PCDH15: variants seen among roughly 807,000 people sequenced by gnomAD.
PCDH15 encodes protocadherin-15.
Under a neutral mutation model 178.5 loss-of-function variants are expected in PCDH15, and 129 were observed. The observed-to-expected ratio is 0.72, with a 90% CI of 0.63 to 0.84. The LOEUF (loss-of-function observed/expected upper bound fraction) is 0.84, where lower values mean the gene tolerates loss of function less well. Among genes scored for constraint, PCDH15 ranks in the 40% least tolerant of loss-of-function variants. PCDH15 has a pLI of 0.00. For synonymous variants in PCDH15, 800 were observed against 732.0 expected, an observed-to-expected ratio of 1.09 and a Z score of -1.50; for missense variants, 2,230 against 2,099.9, an observed-to-expected ratio of 1.06 and a Z score of -1.21.
At chr10:55,175,759 A>G (rs1452389012) in intron 1 of PCDH15, among the ~76,000 whole-genome samples, 3 of 152,052 alleles carry the variant, frequency 2.0e-5, no homozygotes, top group African/African-American at 7.2e-5. Context: ...AGTCTTTTAT[A>G]ATAGGGCTCA....
rs938028197 is a variant in PCDH15 at position 54,807,844 on chromosome 10, G to A, written c.-29+89606C>T. Among the ~76,000 whole-genome samples, 9 of 151,094 alleles carry A rather than the reference G, an allele frequency of 6.0e-5. No homozygotes were observed. The South Asian group carries it at 1.3e-3, about 21-fold the overall frequency. Reference sequence around the variant, plus strand: ...GATCACATAAAGCTTTTATTTTTAGGCTGTAAATTATAGAATGAGTATAGA... The same window carrying A: ...GATCACATAAAGCTTTTATTTTTAGACTGTAAATTATAGAATGAGTATAGA... On this transcript the variant is annotated intron_variant, in intron 3 of 5. Transcript: ENST00000458638.
chr10:55,463,955 AAG>A lies in PCDH15; in HGVS notation c.-156+163668_-156+163669del, dbSNP rs1221046160. On this transcript the variant is annotated intron_variant, in intron 2 of 5. Coordinates refer to the PCDH15 transcript ENST00000613346. ...AAAGAAAGAAAGAAAGAAAGAAAGAAAGAAAGAAAGAAAGAAAGAGAAAGAAA... is the reference window on the plus strand; with the variant it reads ...AAAGAAAGAAAGAAAGAAAGAAAGAAAAAGAAAGAAAGAAAGAGAAAGAAA... Among the ~76,000 whole-genome samples the A allele has an allele frequency of 4.9e-3, 202 of 41,066 alleles. 55 individuals carry two copies. The highest frequency in any genetic ancestry group is 0.031 in the African/African-American group (193 of 6,222). The allele number at this position is 41,066 out of a possible 152,430, so 26.9% of individuals were successfully genotyped here. A position where few individuals can be genotyped will look rare whatever the true frequency, so the allele number is the denominator to read the frequency against.
At chr10:53,846,917 G>A (rs1375063032) in intron 28 of PCDH15, among the ~76,000 whole-genome samples, 1 of 151,974 alleles carries the variant, frequency 6.6e-6, no homozygotes, top group Non-Finnish European at 1.5e-5. Context: ...GGTTTTGCAT[G>A]CTCAGTTTAC....
Position 55,330,329 on chromosome 10 carries a change from G to A in PCDH15, c.-155-163678C>T, listed in dbSNP as rs529991347. ...TGACAGTATTATAAAAGGCATCACT[G>A]ATGAAAACCACTTATACATATAAAG... On this transcript the variant is annotated intron_variant, in intron 2 of 5. Coordinates refer to the PCDH15 transcript ENST00000613346. 1.8e-4 allele frequency among the ~76,000 whole-genome samples: 28 copies of A among 151,816 alleles called. No homozygotes were observed. In the South Asian group the frequency reaches 2.3e-3, roughly 12 times the overall value.
At chr10:55,150,888 T>G (rs770907955) in intron 2 of PCDH15, among the ~76,000 whole-genome samples, 7 of 152,120 alleles carry the variant, frequency 4.6e-5, no homozygotes, top group Non-Finnish European at 8.8e-5. Context: ...TGTTTAATAC[T>G]AAAATAAGAA....
At chr10:54,388,080 C>A (rs995797611) in intron 3 of PCDH15, among the ~76,000 whole-genome samples, 3 of 152,128 alleles carry the variant, frequency 2.0e-5, no homozygotes, top group African/African-American at 7.2e-5. Flanking sequence ...TATGAATATA[C>A]TTAATACCAC....
chr10:54,650,085 T>C (rs1468211735), intron 2 of PCDH15, among the ~76,000 whole-genome samples: 5 of 152,322 alleles, frequency 3.3e-5, no homozygotes, highest in Middle Eastern at 6.8e-3. Context: ...TGACATATTA[T>C]AAAGGGAAAG....
At chr10:54,112,976 G>A (rs555901045) in intron 15 of PCDH15, among the ~76,000 whole-genome samples, 1 of 152,180 alleles carries the variant, frequency 6.6e-6, no homozygotes, top group East Asian at 1.9e-4. Context: ...AATGATTTAA[G>A]CTTACTGGGG....
At chr10:54,523,093 A>G (rs1026285717) in intron 3 of PCDH15, among the ~76,000 whole-genome samples, 3 of 152,220 alleles carry the variant, frequency 2.0e-5, no homozygotes, top group Non-Finnish European at 4.4e-5. Context: ...CCTGAGGTAC[A>G]TGAAAAGAGC....
intron 1 of PCDH15, among the ~76,000 whole-genome samples, chr10:54,796,298 C>CTATCTATCTATA (rs1952000968): frequency 6.9e-6 from 1 of 145,660 alleles, no homozygotes; most frequent in Non-Finnish European, 1.5e-5. Flanking sequence ...ATCTATCTAT[C>CTATCTATCTATA]TATCTATCTA....
At chr10:55,474,680 T>G (rs1021874584) in intron 2 of PCDH15, among the ~76,000 whole-genome samples, 1 of 152,206 alleles carries the variant, frequency 6.6e-6, no homozygotes, top group African/African-American at 2.4e-5. Context: ...ATGTCTCCCT[T>G]TCAAATCGGC....
chr10:54,354,173 C>T (rs1225139852), intron 5 of PCDH15, among the ~76,000 whole-genome samples: 3 of 152,008 alleles, frequency 2.0e-5, no homozygotes, highest in African/African-American at 4.8e-5. Flanking sequence ...TTAGTAGAGA[C>T]GTGGTTTCTC....
In PCDH15 at chr10:55,252,976, A is replaced by C. The variant is rs7067655; in HGVS notation, c.-156+66623T>G. ...TCTAAAACAAAATAAATTTTTGTCC[A>C]ATCATGTTTAGTTAGCATAGAAGGT... On this transcript the variant is annotated intron_variant, in intron 1 of 5. Coordinates refer to the PCDH15 transcript ENST00000458638. Among the ~76,000 whole-genome samples the C allele has an allele frequency of 6.0e-3, 920 of 152,320 alleles. 9 individuals are homozygous for C. The highest frequency in any genetic ancestry group is 0.021 in the African/African-American group (871 of 41,588).
At chr10:53,864,970 G>A (rs2079350292) in intron 27 of PCDH15, among the ~76,000 whole-genome samples, 1 of 151,958 alleles carries the variant, frequency 6.6e-6, no homozygotes, top group Non-Finnish European at 1.5e-5. Flanking sequence ...GCATGGTGGT[G>A]AGTGCTTGCA....
At chr10:54,872,090 T>G (rs894424903) in intron 3 of PCDH15, among the ~76,000 whole-genome samples, 2 of 152,108 alleles carry the variant, frequency 1.3e-5, no homozygotes, top group Non-Finnish European at 2.9e-5. Context: ...AAATAAAGTG[T>G]CTTTAAGTCC....
intron 1 of PCDH15, among the ~76,000 whole-genome samples, chr10:55,296,994 C>A (rs541704121): frequency 3.3e-5 from 5 of 151,910 alleles, no homozygotes; most frequent in Non-Finnish European, 7.4e-5. Flanking sequence ...AAAAAGTTTG[C>A]TGAAGTAATC....
Position 54,794,980 on chromosome 10 carries a change from C to A in PCDH15, c.-29+5945G>T, listed in dbSNP as rs142026868. 5.1e-3 allele frequency among the ~76,000 whole-genome samples: 768 copies of A among 151,804 alleles called. 5 individuals are homozygous for A. The highest frequency in any genetic ancestry group is 0.018 in the African/African-American group (730 of 41,454). On this transcript the variant is annotated intron_variant, in intron 1 of 37. Coordinates refer to ENST00000644397, the MANE Select transcript of PCDH15 (RefSeq NM_001384140.1). ...AAAATTTGAGTACTTTACTTTCTGG[C>A]AAATCTCTTTATTTATCATAATCTG...
chr10:54,825,573 G>T (rs1422042234), intron 3 of PCDH15, among the ~76,000 whole-genome samples: 1 of 147,724 alleles, frequency 6.8e-6, no homozygotes, highest in Non-Finnish European at 1.5e-5. Context: ...ATTCTAACTG[G>T]TGTGAGATGG....
intron 3 of PCDH15, among the ~76,000 whole-genome samples, chr10:54,506,765 C>T (rs1244921098): frequency 2.6e-5 from 4 of 151,866 alleles, no homozygotes; most frequent in Non-Finnish European, 5.9e-5. Context: ...TAGTATTCCG[C>T]AGCTTTACTT....
Sources: allele counts gnomAD v4.1 joint callset (sites outside exome capture counted in the v4.1 genomes callset), GRCh38; gene constraint gnomAD v4.1.1; transcripts MANE v1.5; gene names NCBI Gene and HGNC (gene_info 2026-07-23, HGNC 2026-07-21).